TBC1D5: variants seen among roughly 807,000 people sequenced by gnomAD.
TBC1D5 encodes the protein TBC1 domain family member 5, also known as TBC1 domain family, member 5.
In TBC1D5, 75 loss-of-function variants were observed where a neutral mutation model predicts 100.3. That is an observed-to-expected ratio of 0.75 (90% CI 0.62 to 0.91). The LOEUF (loss-of-function observed/expected upper bound fraction) is 0.91, where lower values mean the gene tolerates loss of function less well. TBC1D5 is among the 40% of genes least tolerant of loss of function. The pLI, the probability that TBC1D5 is intolerant of heterozygous loss-of-function variation, is 0.00. For missense variants in TBC1D5, 910 were observed against 942.4 expected (o/e 0.97, Z 0.45); for synonymous variants, 323 against 325.6 (o/e 0.99, Z 0.09).
At chr3:17,697,741 A>C (rs1446314932) in intron 1 of TBC1D5, among the ~76,000 whole-genome samples, 1 of 152,004 alleles carries the variant, frequency 6.6e-6, no homozygotes, top group Non-Finnish European at 1.5e-5. Context: ...GCTTCACAGA[A>C]TTGGAAAAAA....
chr3:17,252,959 G>T (rs2077299729), intron 16 of TBC1D5, among the ~76,000 whole-genome samples: 1 of 152,120 alleles, frequency 6.6e-6, no homozygotes. Context: ...AAACATCCTT[G>T]ATATCAGGGT....
intron 13 of TBC1D5, among the ~76,000 whole-genome samples, chr3:17,317,908 C>T (rs2150838758): frequency 6.6e-6 from 1 of 152,124 alleles, no homozygotes; most frequent in Non-Finnish European, 1.5e-5. Flanking sequence ...AATCATGCTG[C>T]TATAAAGACA....
intron 2 of TBC1D5, among the ~76,000 whole-genome samples, chr3:17,527,508 T>C (rs772800328): frequency 1.5e-4 from 23 of 152,298 alleles, no homozygotes; most frequent in African/African-American, 5.5e-4. Context: ...TGACATGATA[T>C]GATCTATTCT....
At chr3:17,447,631 A>C (rs1299582170) in intron 3 of TBC1D5, among the ~76,000 whole-genome samples, 1 of 152,216 alleles carries the variant, frequency 6.6e-6, no homozygotes, top group Non-Finnish European at 1.5e-5. Flanking sequence ...TAAATTACAA[A>C]GGTTTTGAAA....
chr3:17,439,113 A>G (rs1181024938), intron 3 of TBC1D5, among the ~76,000 whole-genome samples: 1 of 152,198 alleles, frequency 6.6e-6, no homozygotes, highest in Non-Finnish European at 1.5e-5. Context: ...TCCTTGGGGC[A>G]CTACTCATTT....
exon 22 of TBC1D5, chr3:17,161,119 G>C: frequency 6.2e-7 from 1 of 1,614,196 alleles, no homozygotes; most frequent in South Asian, 1.1e-5. Context: ...TTTTCCCAGA[G>C]GTGCTTCTGA....
intron 2 of TBC1D5, among the ~76,000 whole-genome samples, chr3:17,606,023 A>C (rs758768080): frequency 3.9e-5 from 6 of 152,234 alleles, no homozygotes; most frequent in Non-Finnish European, 8.8e-5. Flanking sequence ...GATAGACTAG[A>C]ACGCAAATAA....
intron 1 of TBC1D5, among the ~76,000 whole-genome samples, chr3:17,661,898 C>CTT (rs1560404401): frequency 6.6e-6 from 1 of 151,348 alleles, no homozygotes; most frequent in African/African-American, 2.4e-5. Context: ...CTCAACTCCC[C>CTT]CTTTTTTTTT....
chr3:17,640,578 A>C (rs1434002433), intron 1 of TBC1D5, among the ~76,000 whole-genome samples: 4 of 152,114 alleles, frequency 2.6e-5, no homozygotes, highest in African/African-American at 4.8e-5. Flanking sequence ...CATAATGTCT[A>C]AGAATAAACT....
intron 4 of TBC1D5, among the ~76,000 whole-genome samples, chr3:17,423,818 C>CATA (rs1038013876): frequency 6.6e-6 from 1 of 151,958 alleles, no homozygotes; most frequent in Non-Finnish European, 1.5e-5. Context: ...TATATTCTAT[C>CATA]CTCCGCCATT....
At position 17,540,680 on chromosome 3, in the gene TBC1D5, G is replaced by T. The variant is rs189543737; in HGVS notation, c.-35-32075C>A. 4.0e-4 allele frequency among the ~76,000 whole-genome samples: 61 copies of T among 151,848 alleles called. No individual in the cohort carries two copies. In the East Asian group the frequency reaches 6.8e-3, roughly 17 times the overall value. ...TCCCAGCACCTTGGGAGGCCGAGGC[G>T]GGCAGATCACGAGGTCAAGAGATCG... On this transcript the variant is annotated intron_variant, in intron 2 of 21. Coordinates refer to ENST00000253692, the Ensembl canonical transcript of TBC1D5.
At chr3:17,721,614 GT>G (rs2075710469) in intron 1 of TBC1D5, among the ~76,000 whole-genome samples, 1 of 152,150 alleles carries the variant, frequency 6.6e-6, no homozygotes, top group Non-Finnish European at 1.5e-5. Flanking sequence ...GGAAGTTGCA[GT>G]GAACCGAGAT....
chr3:17,263,001 A>C (rs1359607997), intron 15 of TBC1D5, among the ~76,000 whole-genome samples: 5 of 151,790 alleles, frequency 3.3e-5, no homozygotes, highest in Admixed American at 3.3e-4. Context: ...CTGAGGTAGG[A>C]GGATCGCTTG....
intron 1 of TBC1D5, among the ~76,000 whole-genome samples, chr3:17,645,625 A>G (rs1265144855): frequency 6.6e-6 from 1 of 152,106 alleles, no homozygotes; most frequent in Non-Finnish European, 1.5e-5. Context: ...TTCTAGGCTT[A>G]GGTTTCCTCT....
chr3:17,699,459 G>A (rs1316958737), intron 1 of TBC1D5, among the ~76,000 whole-genome samples: 1 of 139,982 alleles, frequency 7.1e-6, no homozygotes, highest in African/African-American at 2.6e-5. Flanking sequence ...CGAGTTAGTG[G>A]GTGCAGCGCA....
intron 3 of TBC1D5, among the ~76,000 whole-genome samples, chr3:17,445,685 T>A (rs2094774215): frequency 6.6e-6 from 1 of 152,192 alleles, no homozygotes; most frequent in Non-Finnish European, 1.5e-5. Flanking sequence ...TTATAACTGT[T>A]CTATTTTATT....
chr3:17,476,452 G>C (rs1298243473), intron 3 of TBC1D5, among the ~76,000 whole-genome samples: 1 of 151,864 alleles, frequency 6.6e-6, no homozygotes, highest in Non-Finnish European at 1.5e-5. Flanking sequence ...TGGTTTTCAT[G>C]TAAGTTTGAG....
At chr3:17,690,421 T>C (rs1322002735) in intron 1 of TBC1D5, among the ~76,000 whole-genome samples, 1 of 45,108 alleles carries the variant, frequency 2.2e-5, no homozygotes, top group Non-Finnish European at 4.6e-5. Flanking sequence ...TTTCACCGTT[T>C]TAGCCGGGAT....
At chr3:17,308,657 A>T (rs146847979) in intron 13 of TBC1D5, among the ~76,000 whole-genome samples, 1 of 152,178 alleles carries the variant, frequency 6.6e-6, no homozygotes, top group South Asian at 2.1e-4. Flanking sequence ...CCAGTAGATA[A>T]CCATTTTTTT....
Sources: gnomAD v4.1 joint callset for allele counts (sites outside exome capture counted in the v4.1 genomes callset) on GRCh38, gnomAD v4.1.1 for gene constraint, MANE v1.5 for transcripts, NCBI Gene and HGNC (gene_info 2026-07-23, HGNC 2026-07-21) for gene names.